DYM: variants seen among roughly 807,000 people sequenced by gnomAD.
DYM encodes dyggve-Melchior-Clausen syndrome protein.
In DYM, 78 loss-of-function variants were observed where a neutral mutation model predicts 93.1. That is an observed-to-expected ratio of 0.84 (90% CI 0.70 to 1.01). DYM has a LOEUF of 1.01. Among genes scored for constraint, DYM ranks in the 50% least tolerant of loss-of-function variants. DYM has a pLI of 0.00. For missense variants in DYM, 789 were observed against 845.0 expected (o/e 0.93, Z 0.82); for synonymous variants, 321 against 319.7 (o/e 1.00, Z -0.04).
intron 17 of DYM, among the ~76,000 whole-genome samples, chr18:49,087,163 A>G (rs1398433066): frequency 6.6e-6 from 1 of 152,156 alleles, no homozygotes; most frequent in Non-Finnish European, 1.5e-5. Context: ...CAGTCTCCAG[A>G]ACTCTGAGAA....
intron 1 of DYM, among the ~76,000 whole-genome samples, chr18:49,439,153 A>C (rs938854461): frequency 1.3e-5 from 2 of 152,140 alleles, no homozygotes; most frequent in Admixed American, 6.5e-5. Flanking sequence ...AGTTCTGTTG[A>C]TATCTCTAAA....
At chr18:49,169,493 C>A (rs1030080609) in intron 14 of DYM, among the ~76,000 whole-genome samples, 1 of 152,214 alleles carries the variant, frequency 6.6e-6, no homozygotes, top group Non-Finnish European at 1.5e-5. Flanking sequence ...ATGTCTCTCT[C>A]AGACCTTGGA....
At chr18:49,418,836 A>G (rs1033056073) in intron 2 of DYM, among the ~76,000 whole-genome samples, 3 of 152,160 alleles carry the variant, frequency 2.0e-5, no homozygotes, top group Non-Finnish European at 2.9e-5. Context: ...CAAATATCAA[A>G]TACCATCAGT....
In DYM at chr18:49,391,618, T is replaced by G; in HGVS notation, c.168A>C (p.Ala56=). ...SSSELKLLEE[A]TISVCRSLVE... is the part of the protein sequence containing the mutation. ...CTAATGACCTGCAGACTGAAATGGT[T>G]GCTTCCTCCAAGAGTTTCAACTCAC... Residue 56 remains alanine, a synonymous_variant, in exon 3 of 18, where the codon GCA becomes GCC. Transcript: ENST00000675505. The G allele has an allele frequency of 6.2e-7, 1 of 1,613,642 alleles. No homozygotes were observed. The highest frequency in any genetic ancestry group is 8.5e-7 in the Non-Finnish European group (1 of 1,179,676).
Position 49,037,909 on chromosome 18 carries a change from C to T in DYM, c.*6146G>A, listed in dbSNP as rs562286941. 4.9e-4 allele frequency among the ~76,000 whole-genome samples: 75 copies of T among 152,284 alleles called. No homozygotes were observed. Among genetic ancestry groups the T allele is most frequent in the South Asian group, 4.1e-3 (20 of 4,832 alleles). On this transcript the variant is annotated 3_prime_UTR_variant, in exon 18 of 18. Coordinates refer to ENST00000675505, the MANE Select transcript of DYM (RefSeq NM_001353214.3). ...GTGCAATTATAGCTCACTGCAGCCT[C>T]GACCTCCTGGGCACAAGTGATTCTC...
At chr18:49,375,217 C>T (rs1447011165) in intron 5 of DYM, among the ~76,000 whole-genome samples, 1 of 149,804 alleles carries the variant, frequency 6.7e-6, no homozygotes, top group African/African-American at 2.5e-5. Flanking sequence ...CACACACACA[C>T]ACACACACAC....
chr18:49,277,268 T>C lies in DYM; in HGVS notation c.1125+4729A>G, dbSNP rs7229696. On this transcript the variant is annotated intron_variant, in intron 10 of 17. Coordinates refer to ENST00000675505, the MANE Select transcript of DYM (RefSeq NM_001353214.3). ...TGGGAACATATACACTGGCAACATA[T>C]AAATGGCAACTGAATTTGCTTAGAT... Among the ~76,000 whole-genome samples the C allele has an allele frequency of 5.0e-3, 754 of 152,176 alleles. 8 individuals carry two copies. Among genetic ancestry groups the C allele is most frequent in the African/African-American group, 0.017 (724 of 41,518 alleles).
At chr18:49,424,335 C>A (rs2148387085) in intron 2 of DYM, among the ~76,000 whole-genome samples, 1 of 152,158 alleles carries the variant, frequency 6.6e-6, no homozygotes. Flanking sequence ...AGGCCTTTGA[C>A]AAAATTCAAC....
At chr18:49,127,760 G>C (rs1222734759) in intron 15 of DYM, among the ~76,000 whole-genome samples, 2 of 152,306 alleles carry the variant, frequency 1.3e-5, no homozygotes, top group East Asian at 3.9e-4. Context: ...TTTCTAGCCA[G>C]AACTGGATTT....
Position 49,429,944 on chromosome 18 carries a change from C to G in DYM, c.140+311G>C, listed in dbSNP as rs540813615. Reference sequence around the variant, plus strand: ...GGGACAGAACAGTACGTGTAGTATGCTACCATTTGTATTTAAACAATTTTG... The same window carrying G: ...GGGACAGAACAGTACGTGTAGTATGGTACCATTTGTATTTAAACAATTTTG... On this transcript the variant is annotated intron_variant, in intron 2 of 17. Coordinates refer to ENST00000675505, the MANE Select transcript of DYM (RefSeq NM_001353214.3). Among the ~76,000 whole-genome samples, 9 of 152,286 alleles carry G rather than the reference C, an allele frequency of 5.9e-5. No homozygotes were observed. In the South Asian group the frequency reaches 1.7e-3, roughly 28 times the overall value.
intron 2 of DYM, among the ~76,000 whole-genome samples, chr18:49,419,298 G>T (rs984630363): frequency 6.6e-6 from 1 of 152,172 alleles, no homozygotes; most frequent in South Asian, 2.1e-4. Context: ...GGCGGAGGTC[G>T]CAGTGAGCTG....
intron 1 of DYM, among the ~76,000 whole-genome samples, chr18:49,430,681 T>C (rs1385467832): frequency 6.6e-6 from 1 of 152,018 alleles, no homozygotes; most frequent in Non-Finnish European, 1.5e-5. Context: ...GGTCAAGAGA[T>C]TGAGACCATC....
chr18:49,286,342 C>T, intron 9 of DYM, 92 bp downstream of exon 9: 1 of 1,390,634 alleles, frequency 7.2e-7, no homozygotes, highest in Non-Finnish European at 1.0e-6. Context: ...ATACAATGGA[C>T]ACTCATCTCC....
At chr18:49,176,504 G>T (rs1479414472) in intron 14 of DYM, among the ~76,000 whole-genome samples, 1 of 151,006 alleles carries the variant, frequency 6.6e-6, no homozygotes, top group Non-Finnish European at 1.5e-5. Context: ...TCAAGCTTCT[G>T]GACCCAAGTG....
intron 16 of DYM, among the ~76,000 whole-genome samples, chr18:49,099,265 T>C (rs1568417897): frequency 6.6e-6 from 1 of 152,182 alleles, no homozygotes; most frequent in Non-Finnish European, 1.5e-5. Context: ...TTGTTTTGTT[T>C]ATAGCAGTAG....
At chr18:49,300,100 T>C (rs1297385112) in intron 8 of DYM, among the ~76,000 whole-genome samples, 1 of 146,184 alleles carries the variant, frequency 6.8e-6, no homozygotes, top group African/African-American at 2.5e-5. Context: ...TATATATAAA[T>C]ATATAAATAC....
At chr18:49,139,485 A>T (rs1211878748) in intron 15 of DYM, among the ~76,000 whole-genome samples, 1 of 152,188 alleles carries the variant, frequency 6.6e-6, no homozygotes, top group Non-Finnish European at 1.5e-5. Context: ...GAAAATATCC[A>T]TTTTTAAAAC....
intron 8 of DYM, among the ~76,000 whole-genome samples, chr18:49,312,682 C>G (rs113112653): frequency 6.6e-6 from 1 of 152,098 alleles, no homozygotes; most frequent in Non-Finnish European, 1.5e-5. Flanking sequence ...ACTTGGGAAC[C>G]GCTGAACATG....
chr18:49,202,605 C>T (rs1284765478), intron 14 of DYM, among the ~76,000 whole-genome samples: 7 of 124,338 alleles, frequency 5.6e-5, no homozygotes, highest in East Asian at 2.5e-4. Flanking sequence ...TCTGCCCGGC[C>T]GCCCATTGTC....
Sources: allele counts gnomAD v4.1 joint callset (sites outside exome capture counted in the v4.1 genomes callset), GRCh38; gene constraint gnomAD v4.1.1; transcripts MANE v1.5; gene names NCBI Gene and HGNC (gene_info 2026-07-23, HGNC 2026-07-21).